Variants in SOX5 observed in about 807,000 individuals in gnomAD.
SOX5 encodes transcription factor SOX-5.
SOX5 carries 9 observed loss-of-function variants against 92.0 expected under a neutral mutation model. The ratio of observed to expected loss-of-function variants is 0.10; its 90% CI spans 0.06 to 0.17. The LOEUF is 0.17. SOX5 is among the 10% of genes least tolerant of loss of function. SOX5 has a pLI of 1.00. For missense variants in SOX5, 642 were observed against 944.5 expected (o/e 0.68, Z 4.20); for synonymous variants, 344 against 336.3 (o/e 1.02, Z -0.25).
At chr12:23,807,284 C>A (rs764493652) in intron 3 of SOX5, among the ~76,000 whole-genome samples, 1 of 152,088 alleles carries the variant, frequency 6.6e-6, no homozygotes, top group Admixed American at 6.6e-5. Context: ...TAATACCCAG[C>A]GACTATGAAT....
At chr12:24,465,453 G>C (rs1250453447) in intron 1 of SOX5, among the ~76,000 whole-genome samples, 1 of 152,154 alleles carries the variant, frequency 6.6e-6, no homozygotes, top group African/African-American at 2.4e-5. Context: ...AAGCAGTCCA[G>C]GTTCTGTTTT....
At chr12:24,009,342 C>A (rs959789475) in intron 4 of SOX5, among the ~76,000 whole-genome samples, 2 of 152,154 alleles carry the variant, frequency 1.3e-5, no homozygotes, top group Admixed American at 1.3e-4. Context: ...GGAAAGAATT[C>A]AGACTAGGTA....
chr12:23,760,720 T>C (rs1345731150), intron 3 of SOX5, among the ~76,000 whole-genome samples: 1 of 152,104 alleles, frequency 6.6e-6, no homozygotes, highest in African/African-American at 2.4e-5. Context: ...CAAACACTCT[T>C]AAGACCGACT....
intron 3 of SOX5, among the ~76,000 whole-genome samples, chr12:23,828,322 G>A (rs2096264245): frequency 6.6e-6 from 1 of 152,066 alleles, no homozygotes; most frequent in African/African-American, 2.4e-5. Flanking sequence ...ATGACTGTGT[G>A]TGTATGTGTG....
Position 24,280,117 on chromosome 12 carries a change from T to C in SOX5, c.-173-2805A>G, listed in dbSNP as rs147113077. ...AAAATATATTCATTTTATGGACTAA[T>C]GTACCCTAGTGTCTGAATCCTATTT... On this transcript the variant is annotated intron_variant, in intron 2 of 4. Transcript: ENST00000446891. 8.1e-4 allele frequency among the ~76,000 whole-genome samples: 123 copies of C among 152,318 alleles called. No individual in the cohort carries two copies. The East Asian group carries it at 0.02, about 25-fold the overall frequency.
intron 4 of SOX5, among the ~76,000 whole-genome samples, chr12:23,976,406 C>CAAAAAAAAAAAAAA (rs869250917): frequency 5.3e-5 from 2 of 37,872 alleles, no homozygotes; most frequent in African/African-American, 8.7e-5. Context: ...AACAAAAAAA[C>CAAAAAAAAAAAAAA]AAAAAAAAAA....
intron 1 of SOX5, among the ~76,000 whole-genome samples, chr12:24,506,456 C>A (rs1046143318): frequency 6.8e-6 from 1 of 147,432 alleles, no homozygotes. Context: ...CAAGAAAAGT[C>A]TTGTTTGGGG....
At chr12:24,191,991 A>G (rs1362338729) in intron 4 of SOX5, among the ~76,000 whole-genome samples, 3 of 152,226 alleles carry the variant, frequency 2.0e-5, no homozygotes, top group Non-Finnish European at 4.4e-5. Flanking sequence ...TGTAAAACCA[A>G]TATGATGAAA....
chr12:24,209,784 C>G (rs1418040896), intron 4 of SOX5, among the ~76,000 whole-genome samples: 3 of 151,582 alleles, frequency 2.0e-5, no homozygotes, highest in Non-Finnish European at 4.4e-5. Flanking sequence ...TTTGGGAGGC[C>G]GAGGCGGGCG....
intron 6 of SOX5, among the ~76,000 whole-genome samples, chr12:23,713,109 T>C (rs2092199730): frequency 6.6e-6 from 1 of 152,116 alleles, no homozygotes; most frequent in Non-Finnish European, 1.5e-5. Flanking sequence ...TATAAGAGAA[T>C]GGAGAAGCAT....
At chr12:24,543,576 T>C (rs1597789347) in intron 1 of SOX5, among the ~76,000 whole-genome samples, 1 of 152,158 alleles carries the variant, frequency 6.6e-6, no homozygotes, top group East Asian at 1.9e-4. Flanking sequence ...TGGTCTCAGC[T>C]ACTCAGGAGG....
chr12:24,067,597 T>C (rs1352929489), intron 4 of SOX5, among the ~76,000 whole-genome samples: 1 of 152,200 alleles, frequency 6.6e-6, no homozygotes, highest in Non-Finnish European at 1.5e-5. Flanking sequence ...ATATGCTTTA[T>C]CACTCCCTAG....
At chr12:24,096,286 C>T (rs755689844) in intron 4 of SOX5, among the ~76,000 whole-genome samples, 5 of 152,106 alleles carry the variant, frequency 3.3e-5, no homozygotes, top group Non-Finnish European at 7.4e-5. Flanking sequence ...ACTTTTAATT[C>T]TTACTGTGGT....
At chr12:24,418,430 G>A (rs574404354) in intron 1 of SOX5, among the ~76,000 whole-genome samples, 240 of 152,300 alleles carry the variant, frequency 1.6e-3, no homozygotes, top group African/African-American at 5.4e-3. Context: ...ATGGGCATAC[G>A]ACACTATGTG....
At chr12:24,455,648 C>G (rs537879587) in intron 1 of SOX5, among the ~76,000 whole-genome samples, 11 of 152,236 alleles carry the variant, frequency 7.2e-5, no homozygotes, top group African/African-American at 2.6e-4. Context: ...CCTAAACATC[C>G]CTGAAAGTGA....
At chr12:24,042,535 G>C (rs577487969) in intron 4 of SOX5, among the ~76,000 whole-genome samples, 1 of 152,180 alleles carries the variant, frequency 6.6e-6, no homozygotes, top group South Asian at 2.1e-4. Context: ...AGTTTCTCTA[G>C]ATAATGCAAT....
chr12:23,745,779 C>A (rs992080793), intron 4 of SOX5, among the ~76,000 whole-genome samples: 1 of 152,188 alleles, frequency 6.6e-6, no homozygotes, highest in Admixed American at 6.6e-5. Context: ...ATGTGTAGAT[C>A]TTTATTATAG....
At chr12:24,402,915 T>G (rs897415856) in intron 1 of SOX5, among the ~76,000 whole-genome samples, 1 of 152,172 alleles carries the variant, frequency 6.6e-6, no homozygotes, top group South Asian at 2.1e-4. Context: ...TAACTTCTAA[T>G]CCGTCTATCC....
intron 1 of SOX5, among the ~76,000 whole-genome samples, chr12:24,531,975 C>T (rs570718110): frequency 6.6e-6 from 1 of 152,256 alleles, no homozygotes; most frequent in African/African-American, 2.4e-5. Context: ...ACTTTTTCAG[C>T]AGACCAACTA....
Sources: allele counts gnomAD v4.1 joint callset (sites outside exome capture counted in the v4.1 genomes callset), GRCh38; gene constraint gnomAD v4.1.1; transcripts MANE v1.5; gene names NCBI Gene and HGNC (gene_info 2026-07-23, HGNC 2026-07-21).